SEMA3E: variants seen among roughly 807,000 people sequenced by gnomAD.
The protein encoded by SEMA3E is semaphorin 3E, also known as semaphorin-3E.
A neutral mutation model predicts 93.6 loss-of-function variants in SEMA3E; 49 were observed. The ratio of observed to expected loss-of-function variants is 0.52; its 90% confidence interval spans 0.42 to 0.66. SEMA3E has a LOEUF of 0.66. Among genes scored for constraint, SEMA3E ranks in the 30% least tolerant of loss-of-function variants. The pLI, the probability that SEMA3E is intolerant of heterozygous loss-of-function variation, is 0.00. For synonymous variants in SEMA3E, 363 were observed against 330.7 expected (o/e 1.10, Z -1.06); for missense variants, 906 against 964.8 (o/e 0.94, Z 0.81).
intron 7 of SEMA3E, 129 bp from the exon 8 acceptor site, chr7:83,406,188 T>C (rs917411130): frequency 1.1e-5 from 8 of 729,948 alleles, no homozygotes; most frequent in African/African-American, 7.0e-5. Flanking sequence ...TTGGCATAAT[T>C]CTCAAGTAAT....
At chr7:83,548,459 T>C (rs1254225731) in intron 1 of SEMA3E, among the ~76,000 whole-genome samples, 1 of 152,066 alleles carries the variant, frequency 6.6e-6, no homozygotes, top group African/African-American at 2.4e-5. Context: ...TACATGACTC[T>C]GAGACTCCAC....
chr7:83,532,651 T>C (rs1014655963), intron 1 of SEMA3E, among the ~76,000 whole-genome samples: 1 of 151,954 alleles, frequency 6.6e-6, no homozygotes, highest in African/African-American at 2.4e-5. Flanking sequence ...TTCTGACTTA[T>C]TCTCTCAATA....
intron 4 of SEMA3E, among the ~76,000 whole-genome samples, chr7:83,430,372 T>G (rs2722966): frequency 1.3e-5 from 2 of 151,740 alleles, no homozygotes; most frequent in Non-Finnish European, 2.9e-5. Flanking sequence ...GGCTGAGGCA[T>G]GAGAATGACT....
At chr7:83,384,223 A>T (rs894615942) in intron 16 of SEMA3E, among the ~76,000 whole-genome samples, 2 of 152,026 alleles carry the variant, frequency 1.3e-5, no homozygotes, top group Non-Finnish European at 2.9e-5. Context: ...TAGGCTAGGA[A>T]AAAAGGAATA....
chr7:83,503,671 T>C (rs1213780418), intron 1 of SEMA3E, among the ~76,000 whole-genome samples: 1 of 152,210 alleles, frequency 6.6e-6, no homozygotes, highest in Non-Finnish European at 1.5e-5. Flanking sequence ...TACAAACCTG[T>C]TCAGCATGTT....
chr7:83,396,806 G>A, intron 11 of SEMA3E, 77 bp from the exon 12 acceptor site: 1 of 947,306 alleles, frequency 1.1e-6, no homozygotes, highest in South Asian at 1.4e-5. Flanking sequence ...GTAGCTGGCT[G>A]GGTGCAGTAG....
chr7:83,389,736 T>C (rs56412369), intron 14 of SEMA3E, among the ~76,000 whole-genome samples: 5,170 of 133,184 alleles, frequency 0.039, 159 homozygotes, highest in African/African-American at 0.075. Flanking sequence ...TGTATACATA[T>C]ATACACGTAT....
intron 4 of SEMA3E, among the ~76,000 whole-genome samples, chr7:83,439,588 CAATTA>C (rs1222372252): frequency 7.2e-5 from 11 of 152,142 alleles, no homozygotes; most frequent in South Asian, 6.2e-4. Context: ...AAGCTGATAA[CAATTA>C]AATAATTATT....
In SEMA3E at chr7:83,605,185, T is replaced by G. The variant is rs143256490; in HGVS notation, c.115+43243A>C. 4.6e-5 allele frequency among the ~76,000 whole-genome samples: 7 copies of G among 152,328 alleles called. No homozygotes were observed. In the East Asian group the frequency reaches 1.4e-3, roughly 29 times the overall value. On this transcript the variant is annotated intron_variant, in intron 1 of 16. Transcript: ENST00000643230. The stretch of plus-strand genomic sequence containing the variant: ...ATGGGTCAAATGGTATTTCTGGTTC[T>G]AGGTTCTTGAGGAATCACCACAATG...
chr7:83,396,777 C>T (rs754326917), intron 11 of SEMA3E, 48 bp from the exon 12 acceptor site: 16 of 1,345,278 alleles, frequency 1.2e-5, no homozygotes, highest in South Asian at 6.0e-5. Context: ...TGTCACAGTA[C>T]GGTTTTCAAA....
At chr7:83,402,071 T>C (rs1048573079) in intron 10 of SEMA3E, among the ~76,000 whole-genome samples, 1 of 152,042 alleles carries the variant, frequency 6.6e-6, no homozygotes, top group East Asian at 1.9e-4. Flanking sequence ...AATACTTTTG[T>C]ATTGGCATTT....
chr7:83,402,862 C>A lies in SEMA3E; in HGVS notation c.999-86G>T, dbSNP rs948328428. The A allele has an allele frequency of 3.7e-6, 5 of 1,345,068 alleles. No individual in the cohort carries two copies. In the East Asian group the frequency reaches 9.9e-5, roughly 27 times the overall value. 83.3% of individuals were successfully genotyped at this position (1,345,068 alleles called of 1,614,324 possible). A position where few individuals can be genotyped will look rare whatever the true frequency, so the allele number is the denominator to read the frequency against. ...TACCCCAGCCTACAAAGATAAGAGT[C>A]AAGTCTTTTGGGTAAAGTGGTTGCA... On this transcript the variant is annotated intron_variant, in intron 9 of 16. Coordinates refer to ENST00000643230, the MANE Select transcript of SEMA3E (RefSeq NM_012431.3).
At chr7:83,415,394 G>A (rs1442650720) in intron 5 of SEMA3E, among the ~76,000 whole-genome samples, 1 of 152,038 alleles carries the variant, frequency 6.6e-6, no homozygotes, top group Non-Finnish European at 1.5e-5. Flanking sequence ...AAGACGCATT[G>A]GAAGAGCAAG....
chr7:83,389,406 G>C lies in SEMA3E; in HGVS notation c.1668-2356C>G, dbSNP rs575520882. 1.7e-3 allele frequency among the ~76,000 whole-genome samples: 212 copies of C among 126,066 alleles called. 20 individuals carry two copies. The highest frequency in any genetic ancestry group is 1.3e-3 in the Non-Finnish European group (71 of 53,176). The allele number at this position is 126,066 out of a possible 152,430, so 82.7% of individuals were successfully genotyped here. A position where few individuals can be genotyped will look rare whatever the true frequency, so the allele number is the denominator to read the frequency against. ...AAAGATTATTATACAAGTGAGATGAGGATAAGGAAACTACAATCAAATAAT... is the reference window on the plus strand; with the variant it reads ...AAAGATTATTATACAAGTGAGATGACGATAAGGAAACTACAATCAAATAAT... On this transcript the variant is annotated intron_variant, in intron 14 of 16. Transcript: ENST00000643230.
rs148449789 is a variant in SEMA3E, at chr7:83,624,157, C to T, written c.115+24271G>A. On this transcript the variant is annotated intron_variant, in intron 1 of 16. Coordinates refer to ENST00000643230, the MANE Select transcript of SEMA3E (RefSeq NM_012431.3). The stretch of plus-strand genomic sequence containing the variant: ...CATTTGTGTTAGTTCCAAGTCTTTG[C>T]TATTGTGAACAGTGCTGCAATAAAC... Among the ~76,000 whole-genome samples, 1,307 of 152,268 alleles carry T rather than the reference C, an allele frequency of 8.6e-3. 24 individuals carry two copies. The highest frequency in any genetic ancestry group is 0.03 in the African/African-American group (1,242 of 41,532).
At chr7:83,567,156 A>C (rs1792179072) in intron 1 of SEMA3E, among the ~76,000 whole-genome samples, 1 of 152,214 alleles carries the variant, frequency 6.6e-6, no homozygotes, top group Non-Finnish European at 1.5e-5. Context: ...AACAGTAAAA[A>C]TAGATGAAGA....
intron 1 of SEMA3E, among the ~76,000 whole-genome samples, chr7:83,581,003 A>G (rs1792508120): frequency 6.6e-6 from 1 of 151,916 alleles, no homozygotes; most frequent in Non-Finnish European, 1.5e-5. Context: ...GGGTAAATTA[A>G]TTTTCAGTAG....
At chr7:83,403,222 G>A (rs999710811) in intron 9 of SEMA3E, among the ~76,000 whole-genome samples, 2 of 151,878 alleles carry the variant, frequency 1.3e-5, no homozygotes, top group African/African-American at 4.8e-5. Context: ...CTATTAAGAT[G>A]TATTAAGTTT....
intron 4 of SEMA3E, among the ~76,000 whole-genome samples, chr7:83,436,953 A>G (rs547497642): frequency 6.6e-6 from 1 of 152,310 alleles, no homozygotes; most frequent in African/African-American, 2.4e-5. Context: ...GGCAAGGAGG[A>G]GCAAGTTATG....
Sources: allele counts gnomAD v4.1 joint callset (sites outside exome capture counted in the v4.1 genomes callset), GRCh38; gene constraint gnomAD v4.1.1; transcripts MANE v1.5; gene names NCBI Gene and HGNC (gene_info 2026-07-23, HGNC 2026-07-21).